Variants in ANO5 observed in about 807,000 individuals in gnomAD.
ANO5 encodes the protein anoctamin 5, also known as anoctamin-5.
ANO5 carries 109 observed loss-of-function variants against 121.0 expected under a neutral mutation model. That is an observed-to-expected ratio of 0.90 (90% CI 0.77 to 1.06). ANO5 has a LOEUF of 1.06. Among genes scored for constraint, ANO5 ranks in the 50% least tolerant of loss-of-function variants. The probability of loss-of-function intolerance (pLI) is 0.00; values close to 1 mark genes in which losing one functional copy is unlikely to be tolerated. For missense variants in ANO5, 1,064 were observed against 1,078.5 expected, an observed-to-expected ratio of 0.99 and a Z score of 0.19; for synonymous variants, 406 against 359.9, an observed-to-expected ratio of 1.13 and a Z score of -1.45.
chr11:22,276,164 C>T lies in ANO5; in HGVS notation c.2485C>T (p.Leu829Phe), dbSNP rs1854840029. The change falls in exon 21 of 22, where the codon CTT (leucine) becomes TTT (phenylalanine). Residue 829 changes from leucine (L) to phenylalanine (F), a missense_variant. Transcript: ENST00000324559. ...TCATAATATGCAATTCTGGCATGTC[C>T]TTGCTGCCAAGATGACCTTCATCAT... ...YFHNMQFWHVLAAKMTFIIVM... is the reference protein window; with the variant it reads ...YFHNMQFWHVFAAKMTFIIVM... 1.2e-6 allele frequency: 2 copies of T among 1,611,194 alleles called. No individual in the cohort carries two copies. Among genetic ancestry groups the T allele is most frequent in the African/African-American group, 2.7e-5 (2 of 74,758 alleles).
At chr11:22,270,506 A>G (rs1004917511) in intron 18 of ANO5, 64 bp downstream of exon 18, 3 of 1,599,944 alleles carry the variant, frequency 1.9e-6, no homozygotes, top group Non-Finnish European at 2.6e-6. Context: ...TCAGCTCCAG[A>G]TACTTCTTTC....
chr11:22,227,260 G>T, intron 6 of ANO5, 42 bp from the exon 7 acceptor site: 1 of 1,607,548 alleles, frequency 6.2e-7, no homozygotes, highest in East Asian at 2.2e-5. Context: ...ATAACAAACT[G>T]ATCAGTAAGC....
intron 8 of ANO5, among the ~76,000 whole-genome samples, chr11:22,237,682 A>G (rs1218698449): frequency 6.6e-6 from 1 of 152,168 alleles, no homozygotes; most frequent in Non-Finnish European, 1.5e-5. Context: ...AACACTGATT[A>G]GTTTTTCTGT....
At position 22,248,901 on chromosome 11, in the gene ANO5, A is replaced by G. The variant is rs183565929; in HGVS notation, c.879-1336A>G. On this transcript the variant is annotated intron_variant, in intron 9 of 21. Coordinates refer to ENST00000324559, the MANE Select transcript of ANO5 (RefSeq NM_213599.3). Reference sequence around the variant, plus strand: ...AACATTAAAAATAGACATGGTAAACAGTAAATTTCATAAAATATATTTTTG... The same window carrying G: ...AACATTAAAAATAGACATGGTAAACGGTAAATTTCATAAAATATATTTTTG... Among the ~76,000 whole-genome samples, 142 of 152,184 alleles carry G rather than the reference A, an allele frequency of 9.3e-4. 1 individual carries two copies. The Middle Eastern group carries it at 0.014, about 15-fold the overall frequency.
At chr11:22,195,351 C>T (rs1394936954) in intron 1 of ANO5, among the ~76,000 whole-genome samples, 2 of 152,104 alleles carry the variant, frequency 1.3e-5, no homozygotes, top group African/African-American at 2.4e-5. Flanking sequence ...ATATGATTTA[C>T]AAATATTTCC....
At chr11:22,226,971 A>G (rs1485322895) in intron 6 of ANO5, among the ~76,000 whole-genome samples, 2 of 152,134 alleles carry the variant, frequency 1.3e-5, no homozygotes, top group African/African-American at 4.8e-5. Flanking sequence ...GAAATTGCCC[A>G]GAACCGCATA....
intron 17 of ANO5, among the ~76,000 whole-genome samples, chr11:22,264,270 C>T (rs945558704): frequency 6.6e-6 from 1 of 151,904 alleles, no homozygotes; most frequent in Non-Finnish European, 1.5e-5. Flanking sequence ...GGTGATCCAC[C>T]CGCCTCAGCC....
At chr11:22,226,364 A>G (rs931096384) in intron 6 of ANO5, among the ~76,000 whole-genome samples, 1 of 152,134 alleles carries the variant, frequency 6.6e-6, no homozygotes, top group Admixed American at 6.6e-5. Context: ...ACCCTAAATA[A>G]TTAACCAGGC....
intron 9 of ANO5, among the ~76,000 whole-genome samples, chr11:22,241,629 AT>A (rs1853435393): frequency 6.6e-6 from 1 of 151,932 alleles, no homozygotes; most frequent in South Asian, 2.1e-4. Context: ...TTTGATTTGC[AT>A]TTCTCTGGAT....
chr11:22,250,091 T>C, intron 9 of ANO5, 146 bp from the exon 10 acceptor site: 2 of 690,960 alleles, frequency 2.9e-6, no homozygotes, highest in East Asian at 2.7e-5. Context: ...AACTGAAGTT[T>C]AGAGAGTTGA....
chr11:22,245,923 T>A (rs893464127), intron 9 of ANO5, among the ~76,000 whole-genome samples: 1 of 152,146 alleles, frequency 6.6e-6, no homozygotes, highest in Non-Finnish European at 1.5e-5. Flanking sequence ...GTGTTTCGAA[T>A]TTTCAGATGA....
intron 4 of ANO5, among the ~76,000 whole-genome samples, chr11:22,218,772 A>C (rs1006656953): frequency 6.6e-6 from 1 of 151,972 alleles, no homozygotes; most frequent in East Asian, 1.9e-4. Context: ...CATGTTGTCC[A>C]GGCTGGTCTT....
At chr11:22,250,593 C>T in intron 10 of ANO5, 148 bp from the exon 11 acceptor site, 7 of 1,016,762 alleles carry the variant, frequency 6.9e-6, no homozygotes, top group Non-Finnish European at 1.0e-5. Flanking sequence ...CTCCTCAAAG[C>T]ATGACTTGAC....
intron 7 of ANO5, among the ~76,000 whole-genome samples, chr11:22,234,084 A>T (rs1375078946): frequency 6.6e-6 from 1 of 152,144 alleles, no homozygotes; most frequent in African/African-American, 2.4e-5. Flanking sequence ...TTTTGTCTGC[A>T]GGTGAACTGA....
intron 9 of ANO5, among the ~76,000 whole-genome samples, chr11:22,244,944 T>C (rs1853569587): frequency 6.6e-6 from 1 of 152,124 alleles, no homozygotes; most frequent in Admixed American, 6.6e-5. Context: ...ACACTGACTT[T>C]TTGAATTTCC....
At chr11:22,218,912 G>A (rs1852550234) in intron 4 of ANO5, among the ~76,000 whole-genome samples, 1 of 151,946 alleles carries the variant, frequency 6.6e-6, no homozygotes, top group South Asian at 2.1e-4. Flanking sequence ...TTACAGAGAA[G>A]CCACTCAGAT....
At chr11:22,233,704 C>G (rs1853119339) in intron 7 of ANO5, among the ~76,000 whole-genome samples, 1 of 152,092 alleles carries the variant, frequency 6.6e-6, no homozygotes, top group Non-Finnish European at 1.5e-5. Context: ...AGAGGAGGAG[C>G]AGGAACATTG....
At chr11:22,208,967 A>T (rs997340450) in intron 2 of ANO5, among the ~76,000 whole-genome samples, 6 of 151,958 alleles carry the variant, frequency 3.9e-5, no homozygotes, top group Admixed American at 3.3e-4. Flanking sequence ...TTCAAAAAAA[A>T]TAAGTATTAT....
rs755037890 is a variant in ANO5 at position 22,225,997 on chromosome 11, A to T, written c.308A>T (p.Glu103Val). The T allele has an allele frequency of 1.9e-6, 3 of 1,608,044 alleles. No individual in the cohort carries two copies. In the South Asian group the frequency reaches 3.3e-5, roughly 18 times the overall value. The change falls in exon 6 of 22, where the codon GAG (glutamate) becomes GTG (valine). Residue 103 changes from glutamate to valine, a missense_variant. Glu to Val is a moderately radical substitution (Grantham distance 121, BLOSUM62 -2). Coordinates refer to ENST00000324559, the MANE Select transcript of ANO5 (RefSeq NM_213599.3). The stretch of plus-strand genomic sequence containing the variant: ...TTTTTGTCATAGGAAAGAAGAAAAG[A>T]GTTTGAAACTAATCTCAGAAAAACA... ...DAELKAERRK[E>V]FETNLRKTGL...
Sources: allele counts gnomAD v4.1 joint callset (sites outside exome capture counted in the v4.1 genomes callset), GRCh38; gene constraint gnomAD v4.1.1; transcripts MANE v1.5; gene names NCBI Gene and HGNC (gene_info 2026-07-23, HGNC 2026-07-21).